The following COL21A1 variants were observed in gnomAD, a reference collection of about 807,000 sequenced individuals.
COL21A1 encodes the protein collagen type XXI alpha 1 chain.
COL21A1 carries 149 observed loss-of-function variants against 137.9 expected under a neutral mutation model. The ratio of observed to expected loss-of-function variants is 1.08; its 90% CI spans 0.95 to 1.24. The LOEUF (loss-of-function observed/expected upper bound fraction) is 1.24. COL21A1 is among the 50% of genes most tolerant of loss of function. The pLI, the probability that COL21A1 is intolerant of heterozygous loss-of-function variation, is 0.00. For synonymous variants in COL21A1, 456 were observed against 391.5 expected (o/e 1.16, Z -1.95); for missense variants, 1,167 against 1,158.4 (o/e 1.01, Z -0.11).
rs763996951 is a variant in COL21A1 at position 56,141,982 on chromosome 6, C to G, written c.1436G>C (p.Gly479Ala). ...TGGTGTCCCTGCAATTCCCTGATAT[C>G]CCTAAAGAAAAATTTAAAAAGAAAA... The part of the protein sequence containing the change: ...PGQPGQDGKP[G>A]YQGIAGTPGV... The change falls in exon 11 of 30, where the codon GGA becomes GCA. Residue 479 changes from glycine to alanine, a missense_variant and splice_region_variant. Coordinates refer to ENST00000244728, the MANE Select transcript of COL21A1 (RefSeq NM_030820.4). 6.6e-7 allele frequency: 1 copy of G among 1,519,368 alleles called. No individual in the cohort carries two copies. The allele number at this position is 1,519,368 out of a possible 1,614,324, so 94.1% of individuals were successfully genotyped here.
chr6:56,129,317 CT>C (rs1387113740), intron 12 of COL21A1, among the ~76,000 whole-genome samples: 3 of 152,016 alleles, frequency 2.0e-5, no homozygotes, highest in Non-Finnish European at 2.9e-5. Flanking sequence ...TAGGATTCAG[CT>C]TCCCAGTATC....
chr6:56,230,455 G>T (rs1165966999), intron 1 of COL21A1, among the ~76,000 whole-genome samples: 4 of 151,406 alleles, frequency 2.6e-5, no homozygotes. Flanking sequence ...TCTTAATTCC[G>T]TACAGCCTCA....
chr6:56,310,420 G>C (rs1435859984), intron 1 of COL21A1, among the ~76,000 whole-genome samples: 1 of 152,128 alleles, frequency 6.6e-6, no homozygotes, highest in African/African-American at 2.4e-5. Context: ...AGAAGAGTTT[G>C]AGTATCAGTA....
At chr6:56,346,788 G>A (rs1057486000) in intron 1 of COL21A1, among the ~76,000 whole-genome samples, 1 of 152,136 alleles carries the variant, frequency 6.6e-6, no homozygotes, top group Non-Finnish European at 1.5e-5. Flanking sequence ...ATGCCTGAAC[G>A]CAGAGGGAGG....
intron 1 of COL21A1, among the ~76,000 whole-genome samples, chr6:56,388,674 C>A (rs1207174835): frequency 6.6e-6 from 1 of 152,164 alleles, no homozygotes; most frequent in Non-Finnish European, 1.5e-5. Context: ...AGGATGAGTA[C>A]AAACAAGCCC....
chr6:56,097,464 G>A (rs1330617430), intron 17 of COL21A1, among the ~76,000 whole-genome samples: 3 of 151,894 alleles, frequency 2.0e-5, no homozygotes, highest in East Asian at 3.9e-4. Flanking sequence ...CCATGAGGCA[G>A]TCACTGTGTT....
Position 56,297,855 on chromosome 6 carries a change from G to C in COL21A1, c.-39+96116C>G, listed in dbSNP as rs570916881. ...CCACTGAACATTATGTTACAGTTAG[G>C]GTTTAAAAGCTGGTAGCCGTCTATC... On this transcript the variant is annotated intron_variant, in intron 1 of 28. Transcript: ENST00000370819. Among the ~76,000 whole-genome samples the C allele has an allele frequency of 3.3e-5, 5 of 152,088 alleles. 1 individual carries two copies. Among genetic ancestry groups the C allele is most frequent in the African/African-American group, 1.2e-4 (5 of 41,506 alleles).
chr6:56,211,997 G>A lies in COL21A1; in HGVS notation c.-38-29341C>T, dbSNP rs571228459. 4.6e-5 allele frequency among the ~76,000 whole-genome samples: 7 copies of A among 152,188 alleles called. No homozygotes were observed. The South Asian group carries it at 1.4e-3, about 31-fold the overall frequency. ...TTGTGACGTAGGCACTGGAGAAAAAGGTGGTATCAACTCAAATTTCCTGGA... is the reference window on the plus strand; with the variant it reads ...TTGTGACGTAGGCACTGGAGAAAAAAGTGGTATCAACTCAAATTTCCTGGA... On this transcript the variant is annotated intron_variant, in intron 1 of 29. Transcript: ENST00000244728.
At chr6:56,285,634 G>A (rs1763893013) in intron 1 of COL21A1, among the ~76,000 whole-genome samples, 1 of 152,030 alleles carries the variant, frequency 6.6e-6, no homozygotes, top group South Asian at 2.1e-4. Context: ...ATATTAAATT[G>A]GTATAGTCTT....
chr6:56,100,408 C>A (rs1258278405), intron 17 of COL21A1, among the ~76,000 whole-genome samples: 1 of 152,158 alleles, frequency 6.6e-6, no homozygotes, highest in Non-Finnish European at 1.5e-5. Context: ...CCTACGTAAG[C>A]TTCACAACAA....
intron 5 of COL21A1, 103 bp from the exon 6 acceptor site, chr6:56,168,400 T>A: frequency 1.1e-6 from 1 of 929,902 alleles, no homozygotes; most frequent in Non-Finnish European, 1.5e-6. Flanking sequence ...AGAAACTTCA[T>A]CCCACACAGA....
intron 1 of COL21A1, among the ~76,000 whole-genome samples, chr6:56,370,774 C>A (rs1178076370): frequency 1.3e-5 from 2 of 152,138 alleles, no homozygotes; most frequent in Admixed American, 1.3e-4. Flanking sequence ...CATAATTAAA[C>A]TGAGTGCAGG....
chr6:56,185,590 T>C (rs986185660), intron 1 of COL21A1, among the ~76,000 whole-genome samples: 36 of 151,420 alleles, frequency 2.4e-4, no homozygotes, highest in Non-Finnish European at 2.2e-4. Context: ...CGCCCGCCAC[T>C]ACGCCCGGCT....
At chr6:56,286,221 A>G (rs1177490053) in intron 1 of COL21A1, among the ~76,000 whole-genome samples, 1 of 152,196 alleles carries the variant, frequency 6.6e-6, no homozygotes, top group Non-Finnish European at 1.5e-5. Context: ...GAATTGAGGA[A>G]AGGTCAGTTT....
At chr6:56,297,300 T>C in intron 1 of COL21A1, among the ~76,000 whole-genome samples, 1 of 152,010 alleles carries the variant, frequency 6.6e-6, no homozygotes, top group Non-Finnish European at 1.5e-5. Context: ...AGTAAATTCC[T>C]CCCCAAAAAA....
chr6:56,131,114 C>G (rs552911671), intron 12 of COL21A1, among the ~76,000 whole-genome samples: 1 of 151,338 alleles, frequency 6.6e-6, no homozygotes, highest in East Asian at 1.9e-4. Flanking sequence ...GTATATATGT[C>G]ATTGGCTTTG....
In COL21A1 at chr6:56,114,493, C is replaced by T. The variant is rs1316756395; in HGVS notation, c.1758+9569G>A. On this transcript the variant is annotated intron_variant, in intron 16 of 29. Transcript: ENST00000244728. ...ATTTACAAGATAAAAACAAACAACCCCATCAAAAAGTGGGCGAAGGACATG... is the reference window on the plus strand; with the variant it reads ...ATTTACAAGATAAAAACAAACAACCTCATCAAAAAGTGGGCGAAGGACATG... Among the ~76,000 whole-genome samples the T allele has an allele frequency of 5.9e-5, 9 of 152,224 alleles. No individual in the cohort carries two copies. The East Asian group carries it at 1.7e-3, about 29-fold the overall frequency.
intron 16 of COL21A1, among the ~76,000 whole-genome samples, chr6:56,111,218 G>A (rs1457122914): frequency 2.0e-5 from 3 of 150,536 alleles, no homozygotes; most frequent in Non-Finnish European, 3.0e-5. Flanking sequence ...CAAACTGAGT[G>A]ATATTCTACA....
chr6:56,316,720 G>A (rs771703800), intron 1 of COL21A1, among the ~76,000 whole-genome samples: 2 of 136,450 alleles, frequency 1.5e-5, no homozygotes, highest in Non-Finnish European at 3.4e-5. Context: ...GGCCTCAAGT[G>A]ATCCACCCAC....
Sources: allele counts gnomAD v4.1 joint callset (sites outside exome capture counted in the v4.1 genomes callset), GRCh38; gene constraint gnomAD v4.1.1; transcripts MANE v1.5; gene names NCBI Gene and HGNC (gene_info 2026-07-23, HGNC 2026-07-21).